The following MCU variants were observed in gnomAD, a reference collection of about 807,000 sequenced individuals.
MCU encodes the protein calcium uniporter protein, mitochondrial.
In MCU, 12 loss-of-function variants were observed where a neutral mutation model predicts 45.2. That is an observed-to-expected ratio of 0.27 (90% CI 0.17 to 0.43). The LOEUF (loss-of-function observed/expected upper bound fraction) is 0.43. Among genes scored for constraint, MCU ranks in the 20% least tolerant of loss-of-function variants. The probability of loss-of-function intolerance (pLI) is 1.00; values close to 1 mark genes in which losing one functional copy is unlikely to be tolerated. For synonymous variants in MCU, 160 were observed against 165.1 expected, an observed-to-expected ratio of 0.97 and a Z score of 0.24; for missense variants, 324 against 436.7, an observed-to-expected ratio of 0.74 and a Z score of 2.30.
chr10:72,779,524 A>G (rs11000410), intron 1 of MCU, among the ~76,000 whole-genome samples: 1 of 152,162 alleles, frequency 6.6e-6, no homozygotes, highest in Non-Finnish European at 1.5e-5. Context: ...ATATTTGCAG[A>G]TCATTTATTT....
intron 1 of MCU, among the ~76,000 whole-genome samples, chr10:72,830,836 T>C (rs983046468): frequency 1.3e-5 from 2 of 152,098 alleles, no homozygotes; most frequent in Non-Finnish European, 2.9e-5. Flanking sequence ...TGGTCGCAGA[T>C]CCCCAACAAA....
At chr10:72,700,987 G>A (rs1842752009) in intron 1 of MCU, among the ~76,000 whole-genome samples, 1 of 152,196 alleles carries the variant, frequency 6.6e-6, no homozygotes, top group African/African-American at 2.4e-5. Flanking sequence ...GTCCTGAAGT[G>A]TACTGCCTTG....
intron 1 of MCU, among the ~76,000 whole-genome samples, chr10:72,747,750 C>T (rs1720073927): frequency 1.3e-5 from 2 of 152,042 alleles, no homozygotes; most frequent in African/African-American, 4.8e-5. Flanking sequence ...GTGGGAGGAT[C>T]ACTTGAGCCT....
intron 1 of MCU, among the ~76,000 whole-genome samples, chr10:72,772,466 G>T (rs186553841): frequency 2.6e-5 from 4 of 152,220 alleles, no homozygotes; most frequent in Non-Finnish European, 5.9e-5. Context: ...GGAGGTCAAG[G>T]TGGGCAGATT....
intron 1 of MCU, among the ~76,000 whole-genome samples, chr10:72,731,463 G>A (rs1390344751): frequency 6.6e-6 from 1 of 151,878 alleles, no homozygotes; most frequent in Non-Finnish European, 1.5e-5. Flanking sequence ...GGTCCAGTTC[G>A]CATAACATAA....
At chr10:72,724,721 TG>T (rs972547092) in intron 1 of MCU, among the ~76,000 whole-genome samples, 3 of 152,238 alleles carry the variant, frequency 2.0e-5, no homozygotes, top group African/African-American at 7.2e-5. Flanking sequence ...CTTCTCTTTA[TG>T]GAGAAGCAAA....
At chr10:72,705,241 T>C (rs1379883662) in intron 1 of MCU, among the ~76,000 whole-genome samples, 1 of 152,220 alleles carries the variant, frequency 6.6e-6, no homozygotes, top group Non-Finnish European at 1.5e-5. Context: ...TATATAGGTA[T>C]ACATGTGCCA....
At chr10:72,739,904 G>A (rs912492156) in intron 1 of MCU, among the ~76,000 whole-genome samples, 1 of 151,850 alleles carries the variant, frequency 6.6e-6, no homozygotes. Context: ...TTGAACTCCT[G>A]ACCTCAAGTG....
intron 2 of MCU, among the ~76,000 whole-genome samples, chr10:72,849,711 G>C (rs1845178250): frequency 6.6e-6 from 1 of 152,108 alleles, no homozygotes; most frequent in Admixed American, 6.6e-5. Context: ...AAGCATCATA[G>C]AAGCTGGTGG....
intron 1 of MCU, among the ~76,000 whole-genome samples, chr10:72,721,487 T>G (rs948141153): frequency 3.3e-5 from 5 of 152,174 alleles, no homozygotes; most frequent in Non-Finnish European, 5.9e-5. Context: ...CCACTTTCCC[T>G]CTTGCCCACT....
intron 1 of MCU, among the ~76,000 whole-genome samples, chr10:72,812,438 G>A (rs565361870): frequency 2.0e-4 from 30 of 152,278 alleles, no homozygotes; most frequent in African/African-American, 6.5e-4. Flanking sequence ...GAGCCACTGC[G>A]CCCATACTCC....
intron 1 of MCU, among the ~76,000 whole-genome samples, chr10:72,714,407 G>A (rs535769844): frequency 1.1e-4 from 14 of 122,646 alleles, no homozygotes; most frequent in African/African-American, 4.3e-4. Flanking sequence ...GGCCCAGGCT[G>A]GCCTTGAATT....
chr10:72,747,977 C>A (rs1843438005), intron 1 of MCU, among the ~76,000 whole-genome samples: 1 of 150,856 alleles, frequency 6.6e-6, no homozygotes, highest in Non-Finnish European at 1.5e-5. Context: ...AAAAATATTT[C>A]ACTATTCAAT....
intron 2 of MCU, among the ~76,000 whole-genome samples, chr10:72,839,979 A>G (rs1483100562): frequency 2.6e-5 from 4 of 151,604 alleles, no homozygotes; most frequent in African/African-American, 9.7e-5. Flanking sequence ...AAAAAAAAAA[A>G]AAAAAAAAGC....
intron 1 of MCU, among the ~76,000 whole-genome samples, chr10:72,793,204 G>T (rs1048249309): frequency 6.6e-6 from 1 of 152,092 alleles, no homozygotes; most frequent in African/African-American, 2.4e-5. Context: ...AAGGCTTACT[G>T]CCACAATATA....
chr10:72,739,347 C>T (rs1157551017), intron 1 of MCU, among the ~76,000 whole-genome samples: 2 of 152,078 alleles, frequency 1.3e-5, no homozygotes, highest in South Asian at 2.1e-4. Context: ...ACTGGAATCT[C>T]GTTAAATTGT....
chr10:72,852,402 G>A (rs1319363414), intron 2 of MCU, among the ~76,000 whole-genome samples: 2 of 152,158 alleles, frequency 1.3e-5, no homozygotes, highest in Non-Finnish European at 2.9e-5. Flanking sequence ...TTCTGATTTT[G>A]CCTTTTAGTT....
chr10:72,720,461 T>G (rs995950390), intron 1 of MCU, among the ~76,000 whole-genome samples: 1 of 151,992 alleles, frequency 6.6e-6, no homozygotes, highest in Non-Finnish European at 1.5e-5. Context: ...CATTCCCACC[T>G]TTTTCTTAGC....
At chr10:72,869,745 A>C (rs955213360) in intron 5 of MCU, among the ~76,000 whole-genome samples, 1 of 152,226 alleles carries the variant, frequency 6.6e-6, no homozygotes, top group Admixed American at 6.5e-5. Context: ...CATAGGTTAT[A>C]TGCAGATACT....
Sources: gnomAD v4.1 joint callset for allele counts (sites outside exome capture counted in the v4.1 genomes callset) on GRCh38, gnomAD v4.1.1 for gene constraint, MANE v1.5 for transcripts, NCBI Gene and HGNC (gene_info 2026-07-23, HGNC 2026-07-21) for gene names.